SUGCT: variants seen among roughly 807,000 people sequenced by gnomAD.
The protein encoded by SUGCT is succinyl-CoA:glutarate CoA-transferase.
In SUGCT, 41 loss-of-function variants were observed where a neutral mutation model predicts 55.0. The observed-to-expected ratio is 0.74, with a 90% CI of 0.58 to 0.97. The LOEUF (loss-of-function observed/expected upper bound fraction) is 0.97, where lower values mean the gene tolerates loss of function less well. Among genes scored for constraint, SUGCT ranks in the 50% least tolerant of loss-of-function variants. SUGCT has a pLI of 0.00. For missense variants in SUGCT, 568 were observed against 547.8 expected (o/e 1.04, Z -0.37); for synonymous variants, 187 against 200.4 (o/e 0.93, Z 0.56).
chr7:40,805,250 C>T (rs577105165), intron 13 of SUGCT, among the ~76,000 whole-genome samples: 5 of 152,056 alleles, frequency 3.3e-5, no homozygotes, highest in Admixed American at 6.5e-5. Flanking sequence ...TCTGGGTGTA[C>T]GCCATGCCCT....
intron 8 of SUGCT, among the ~76,000 whole-genome samples, chr7:40,294,016 T>C (rs1793958807): frequency 6.6e-6 from 1 of 152,112 alleles, no homozygotes; most frequent in Non-Finnish European, 1.5e-5. Context: ...GGCACAATCT[T>C]GGTTCACTGC....
intron 13 of SUGCT, among the ~76,000 whole-genome samples, chr7:40,831,915 TCCCAGAGGA>T (rs1563034422): frequency 6.6e-6 from 1 of 152,206 alleles, no homozygotes; most frequent in African/African-American, 2.4e-5. Flanking sequence ...CTCCAGGGAC[TCCCAGAGGA>T]GGAGTCTTCT....
At chr7:40,267,413 A>T (rs1215425288) in intron 7 of SUGCT, among the ~76,000 whole-genome samples, 1 of 152,218 alleles carries the variant, frequency 6.6e-6, no homozygotes, top group Non-Finnish European at 1.5e-5. Flanking sequence ...TGATGTTTAA[A>T]AGTCTGTATA....
the SUGCT span, among the ~76,000 whole-genome samples, chr7:41,023,979 A>G: frequency 6.6e-6 from 1 of 152,234 alleles, no homozygotes; most frequent in African/African-American, 2.4e-5. Flanking sequence ...GGCATCCGTA[A>G]TCATGATCAA....
intron 6 of SUGCT, among the ~76,000 whole-genome samples, chr7:40,205,640 C>CAAAAAAAA (rs67396482): frequency 2.6e-5 from 2 of 77,460 alleles, no homozygotes; most frequent in East Asian, 3.8e-4. Flanking sequence ...AACTTCATCT[C>CAAAAAAAA]AAAAAAAAAA....
chr7:40,525,393 G>C lies in SUGCT; in HGVS notation c.1089+29007G>C, dbSNP rs375649237. Among the ~76,000 whole-genome samples the C allele has an allele frequency of 3.5e-4, 54 of 152,256 alleles. 1 individual carries two copies. The South Asian group carries it at 0.011, about 30-fold the overall frequency. On this transcript the variant is annotated intron_variant, in intron 12 of 13. Coordinates refer to ENST00000335693, the MANE Select transcript of SUGCT (RefSeq NM_001193313.2). ...GTTTATATTTATGTCTTAGGAGTTT[G>C]GACCCTGTCAGTAATGAAGTATTGA...
chr7:40,429,364 A>G (rs950221894), intron 9 of SUGCT, among the ~76,000 whole-genome samples: 48 of 152,250 alleles, frequency 3.2e-4, no homozygotes, highest in Middle Eastern at 3.4e-3. Flanking sequence ...GGATAGATGT[A>G]TATATAAAGG....
chr7:40,596,612 G>C (rs1271662182), intron 12 of SUGCT, among the ~76,000 whole-genome samples: 1 of 152,160 alleles, frequency 6.6e-6, no homozygotes, highest in African/African-American at 2.4e-5. Context: ...GGCAGGTTTG[G>C]CTTTATATAT....
At chr7:40,245,441 T>A (rs1188450599) in intron 7 of SUGCT, among the ~76,000 whole-genome samples, 17 of 78,434 alleles carry the variant, frequency 2.2e-4, no homozygotes, top group East Asian at 9.8e-4. Context: ...TTTTTTTTTT[T>A]TTTTTTTTTT....
At chr7:40,391,794 G>A (rs112584180) in intron 9 of SUGCT, among the ~76,000 whole-genome samples, 5 of 152,188 alleles carry the variant, frequency 3.3e-5, no homozygotes, top group African/African-American at 1.2e-4. Flanking sequence ...TCATATACCC[G>A]AAGGATTATA....
At chr7:40,798,429 T>G (rs999974818) in intron 13 of SUGCT, among the ~76,000 whole-genome samples, 2 of 152,194 alleles carry the variant, frequency 1.3e-5, no homozygotes. Flanking sequence ...AGGGAAAATA[T>G]GTGTTTTGAA....
At chr7:40,777,849 C>A (rs1454546376) in intron 13 of SUGCT, among the ~76,000 whole-genome samples, 1 of 152,184 alleles carries the variant, frequency 6.6e-6, no homozygotes, top group Non-Finnish European at 1.5e-5. Context: ...GCAGCAAGGG[C>A]AGGGGCTGCA....
chr7:40,892,185 G>A, the SUGCT span, among the ~76,000 whole-genome samples: 1 of 152,072 alleles, frequency 6.6e-6, no homozygotes. Context: ...ATATATAAAA[G>A]GCGTAAATTT....
the SUGCT span, among the ~76,000 whole-genome samples, chr7:40,985,408 G>A: frequency 1.3e-5 from 2 of 152,120 alleles, no homozygotes; most frequent in East Asian, 3.8e-4. Flanking sequence ...TGCTGGTGAT[G>A]GAAATGACAC....
chr7:40,237,874 A>G (rs1789116386), intron 7 of SUGCT, 148 bp downstream of exon 7: 6 of 635,418 alleles, frequency 9.4e-6, no homozygotes, highest in Non-Finnish European at 1.6e-5. Context: ...ATAATTTTAG[A>G]AAGAAACCAG....
chr7:40,143,321 T>C (rs2150583065), intron 1 of SUGCT, among the ~76,000 whole-genome samples: 1 of 152,350 alleles, frequency 6.6e-6, no homozygotes, highest in East Asian at 1.9e-4. Context: ...GCCAAATTTT[T>C]CCCTTGGTCG....
intron 3 of SUGCT, among the ~76,000 whole-genome samples, chr7:40,182,343 G>C (rs1049847554): frequency 6.6e-6 from 1 of 152,146 alleles, no homozygotes; most frequent in African/African-American, 2.4e-5. Flanking sequence ...AAGGAGGGCA[G>C]ATCACTTGAG....
chr7:40,294,958 G>C (rs192458307), intron 8 of SUGCT, among the ~76,000 whole-genome samples: 48 of 152,334 alleles, frequency 3.2e-4, no homozygotes, highest in African/African-American at 1.1e-3. Context: ...AAGTAGTTCT[G>C]TGGTGAAGGG....
Position 40,481,408 on chromosome 7 carries a change from G to T in SUGCT, c.987-14876G>T, listed in dbSNP as rs540163951. Among the ~76,000 whole-genome samples the T allele has an allele frequency of 2.6e-5, 4 of 151,194 alleles. No homozygotes were observed. The East Asian group carries it at 5.8e-4, about 22-fold the overall frequency. The stretch of plus-strand genomic sequence containing the variant: ...GGTAGGATTAAGATATTTATTATGA[G>T]ATTATTATGTATATGATGTAGAATA... On this transcript the variant is annotated intron_variant, in intron 11 of 13. Coordinates refer to ENST00000335693, the MANE Select transcript of SUGCT (RefSeq NM_001193313.2).
Sources: gnomAD v4.1 joint callset for allele counts (sites outside exome capture counted in the v4.1 genomes callset) on GRCh38, gnomAD v4.1.1 for gene constraint, MANE v1.5 for transcripts, NCBI Gene and HGNC (gene_info 2026-07-23, HGNC 2026-07-21) for gene names.